ADGRL2: variants seen among roughly 807,000 people sequenced by gnomAD.
ADGRL2 encodes the protein calcium-independent alpha-latrotoxin receptor 2.
In ADGRL2, 44 loss-of-function variants were observed where a neutral mutation model predicts 157.4. The observed-to-expected ratio is 0.28, with a 90% CI of 0.22 to 0.36. The LOEUF is 0.36. ADGRL2 is among the 10% of genes least tolerant of loss of function. ADGRL2 has a pLI of 1.00. For missense variants in ADGRL2, 1,510 were observed against 1,768.9 expected (o/e 0.85, Z 2.63); for synonymous variants, 585 against 624.7 (o/e 0.94, Z 0.95).
At chr1:81,976,663 A>G (rs960878298) in intron 17 of ADGRL2, among the ~76,000 whole-genome samples, 2 of 151,980 alleles carry the variant, frequency 1.3e-5, no homozygotes. Flanking sequence ...ATATTTAGCA[A>G]TGTAAAAGTA....
intron 2 of ADGRL2, among the ~76,000 whole-genome samples, chr1:81,844,992 C>T (rs2092729831): frequency 6.6e-6 from 1 of 152,040 alleles, no homozygotes; most frequent in African/African-American, 2.4e-5. Context: ...TTAGAAGGTT[C>T]ATAATTCTGT....
At chr1:81,799,547 T>C (rs2087774308), upstream of ADGRL2, among the ~76,000 whole-genome samples, 1 of 152,224 alleles carries the variant, frequency 6.6e-6, no homozygotes, top group East Asian at 1.9e-4. Flanking sequence ...TTTACTTTAG[T>C]ACTACACCTA....
intron 3 of ADGRL2, among the ~76,000 whole-genome samples, chr1:81,655,009 C>T (rs946252444): frequency 5.9e-5 from 9 of 152,108 alleles, no homozygotes; most frequent in African/African-American, 1.7e-4. Context: ...AGTGCAGTGG[C>T]GTGATCTCAC....
chr1:81,872,698 C>A (rs888120999), intron 2 of ADGRL2, among the ~76,000 whole-genome samples: 1 of 151,982 alleles, frequency 6.6e-6, no homozygotes, highest in Non-Finnish European at 1.5e-5. Context: ...TATTTTAGAT[C>A]ATTTTTTCTA....
At chr1:81,423,738 G>C (rs12757970) in intron 1 of ADGRL2, among the ~76,000 whole-genome samples, 32,524 of 152,140 alleles carry the variant, frequency 0.21, 4,563 homozygotes, top group Non-Finnish European at 0.31. Context: ...TGTTAACTGA[G>C]ATGTAAAAAG....
At position 81,929,568 on chromosome 1, in the gene ADGRL2, C is replaced by T. The variant is rs2095182844; in HGVS notation, c.288-7160C>T. ...TGGAATCTCGTCTCCATACTTTGCA[C>T]TTGGTAAAGTGTAATAATGAGCATA... On this transcript the variant is annotated intron_variant, in intron 3 of 23. Transcript: ENST00000686636. 2.6e-5 allele frequency among the ~76,000 whole-genome samples: 4 copies of T among 152,204 alleles called. No individual in the cohort carries two copies. The South Asian group carries it at 6.2e-4, about 24-fold the overall frequency.
At chr1:81,803,442 T>A (rs1264290430) in intron 1 of ADGRL2, among the ~76,000 whole-genome samples, 2 of 151,970 alleles carry the variant, frequency 1.3e-5, no homozygotes, top group African/African-American at 4.8e-5. Flanking sequence ...TTTCCCCCCC[T>A]CCAATCCTCT....
intron 1 of ADGRL2, among the ~76,000 whole-genome samples, chr1:81,354,918 C>G (rs564521056): frequency 6.6e-6 from 1 of 152,130 alleles, no homozygotes; most frequent in African/African-American, 2.4e-5. Context: ...ACAAATACAA[C>G]GTTCTGCCCT....
chr1:81,941,187 T>TC (rs1233880381), intron 4 of ADGRL2, among the ~76,000 whole-genome samples: 1 of 150,836 alleles, frequency 6.6e-6, no homozygotes, highest in African/African-American at 2.4e-5. Flanking sequence ...CTTACTTTTT[T>TC]TATAGACTTA....
intron 19 of ADGRL2, among the ~76,000 whole-genome samples, chr1:81,984,116 A>G (rs1662423866): frequency 6.6e-6 from 1 of 152,044 alleles, no homozygotes; most frequent in Non-Finnish European, 1.5e-5. Context: ...CAATCCAGCA[A>G]AAGAGGTTTC....
At chr1:81,712,793 A>T (rs61773256) in intron 1 of ADGRL2, among the ~76,000 whole-genome samples, 7 of 127,362 alleles carry the variant, frequency 5.5e-5, no homozygotes, top group East Asian at 2.5e-4. Flanking sequence ...GACAGAGTTT[A>T]GCTCTGCTGC....
chr1:81,916,169 A>G (rs2094850350), intron 3 of ADGRL2, among the ~76,000 whole-genome samples: 1 of 152,100 alleles, frequency 6.6e-6, no homozygotes, highest in South Asian at 2.1e-4. Flanking sequence ...AATTAGGTTC[A>G]TGGTGGCATT....
intron 2 of ADGRL2, among the ~76,000 whole-genome samples, chr1:81,483,123 TA>T (rs1460121906): frequency 2.0e-5 from 3 of 152,146 alleles, no homozygotes; most frequent in African/African-American, 7.2e-5. Flanking sequence ...AACTCTTCAT[TA>T]GCTGTTTTAT....
chr1:81,732,737 A>G (rs923455303), intron 1 of ADGRL2, among the ~76,000 whole-genome samples: 17 of 152,230 alleles, frequency 1.1e-4, no homozygotes, highest in Non-Finnish European at 1.9e-4. Context: ...GGAGGATAGT[A>G]GACTAAGTGA....
At chr1:81,434,205 A>T (rs1357738940) in intron 1 of ADGRL2, among the ~76,000 whole-genome samples, 1 of 152,212 alleles carries the variant, frequency 6.6e-6, no homozygotes, top group African/African-American at 2.4e-5. Context: ...ACCATCCCTG[A>T]TCTACCACAA....
chr1:81,683,522 A>G (rs1354153542), intron 3 of ADGRL2, among the ~76,000 whole-genome samples: 1 of 152,150 alleles, frequency 6.6e-6, no homozygotes, highest in African/African-American at 2.4e-5. Context: ...TAGCTCCCAC[A>G]CATCAGTGAG....
At chr1:81,721,869 C>A in intron 1 of ADGRL2, 2 of 772,348 alleles carry the variant, frequency 2.6e-6, no homozygotes, top group East Asian at 2.6e-5. Flanking sequence ...AAAAAAAAAA[C>A]CTGATAGTAA....
chr1:81,818,239 A>C (rs1046626119), intron 1 of ADGRL2, among the ~76,000 whole-genome samples: 1 of 152,176 alleles, frequency 6.6e-6, no homozygotes, highest in Non-Finnish European at 1.5e-5. Context: ...CAGGTATTTC[A>C]TATGTGGGTA....
At chr1:81,728,327 A>G (rs1411729584) in intron 1 of ADGRL2, among the ~76,000 whole-genome samples, 1 of 152,218 alleles carries the variant, frequency 6.6e-6, no homozygotes, top group Non-Finnish European at 1.5e-5. Flanking sequence ...TTTGGGAATC[A>G]TATTTCGGTC....
Sources: gnomAD v4.1 joint callset for allele counts (sites outside exome capture counted in the v4.1 genomes callset) on GRCh38, gnomAD v4.1.1 for gene constraint, MANE v1.5 for transcripts, NCBI Gene and HGNC (gene_info 2026-07-23, HGNC 2026-07-21) for gene names.